The following FN1 variants were observed in gnomAD, a reference collection of about 807,000 sequenced individuals.
FN1 encodes the protein fibronectin.
In FN1, 106 loss-of-function variants were observed where a neutral mutation model predicts 297.3. The ratio of observed to expected loss-of-function variants is 0.36; its 90% CI spans 0.30 to 0.42. The LOEUF is 0.42. Ranked by LOEUF, FN1 falls within the 10% of genes least tolerant of loss-of-function variation. FN1 has a pLI of 1.00. For missense variants in FN1, 2,690 were observed against 3,124.9 expected (o/e 0.86, Z 3.32); for synonymous variants, 1,149 against 1,152.6 (o/e 1.00, Z 0.06).
At chr2:215,365,829 A>G (rs2054448933) in intron 42 of FN1, 199 bp from the exon 43 acceptor site, 2 of 257,538 alleles carry the variant, frequency 7.8e-6, no homozygotes, top group South Asian at 8.4e-5. Flanking sequence ...TTTTTGAGAC[A>G]AAGTCTTTCT....
At chr2:215,397,101 G>GGT (rs1397577415) in intron 23 of FN1, 36 bp downstream of exon 23, 1 of 1,255,656 alleles carries the variant, frequency 8.0e-7, no homozygotes. Flanking sequence ...GGGAAGGTAT[G>GGT]GTGTATACTT....
chr2:215,400,079 T>C (rs1430370674), intron 20 of FN1, among the ~76,000 whole-genome samples: 4 of 152,110 alleles, frequency 2.6e-5, no homozygotes, highest in Non-Finnish European at 5.9e-5. Flanking sequence ...TCCCAGCTTC[T>C]TGGGAGGCTG....
At chr2:215,367,683 G>T in intron 42 of FN1, 180 bp downstream of exon 42, 2 of 672,310 alleles carry the variant, frequency 3.0e-6, no homozygotes, top group East Asian at 2.7e-5. Context: ...TGTCCAACAA[G>T]TAAAATTTCC....
chr2:215,363,531 G>A (rs1309577535), intron 44 of FN1: 1 of 152,236 alleles, frequency 6.6e-6, no homozygotes, highest in Non-Finnish European at 1.5e-5. Flanking sequence ...TGCCCCTGGT[G>A]GAGCCAAGAC....
intron 1 of FN1, 144 bp from the exon 2 acceptor site, chr2:215,434,968 G>A: frequency 1.1e-6 from 1 of 915,368 alleles, no homozygotes; most frequent in Non-Finnish European, 1.7e-6. Flanking sequence ...ATTTCCATCT[G>A]GCCAGGGGTC....
At chr2:215,429,337 G>A (rs1313344682) in intron 5 of FN1, among the ~76,000 whole-genome samples, 1 of 152,124 alleles carries the variant, frequency 6.6e-6, no homozygotes, top group East Asian at 1.9e-4. Flanking sequence ...GTAACTAAAT[G>A]ACCATTAGTC....
At chr2:215,377,314 C>G (rs1425614259) in intron 35 of FN1, among the ~76,000 whole-genome samples, 1 of 152,104 alleles carries the variant, frequency 6.6e-6, no homozygotes, top group Non-Finnish European at 1.5e-5. Flanking sequence ...TGTCCCTGTC[C>G]AAATCTCTGT....
Position 215,433,320 on chromosome 2 carries a change from T to C in FN1, c.415+4A>G. On this transcript the variant is annotated splice_donor_region_variant and intron_variant, in intron 3 of 45. Coordinates refer to ENST00000354785, the MANE Select transcript of FN1 (RefSeq NM_212482.4). ...GGCATCATTTTACACAATCTCTTCC[T>C]TACTTGCGATGGTACAGCTTATTCT... 1 of 1,614,146 alleles carries C rather than the reference T, an allele frequency of 6.2e-7. No individual in the cohort carries two copies. The highest frequency in any genetic ancestry group is 8.5e-7 in the Non-Finnish European group (1 of 1,179,966).
intron 45 of FN1, 77 bp from the exon 46 acceptor site, chr2:215,361,703 G>T: frequency 8.6e-7 from 1 of 1,160,200 alleles, no homozygotes; most frequent in Non-Finnish European, 1.3e-6. Context: ...GCGGGGAGGT[G>T]GGGACTCATG....
intron 44 of FN1, chr2:215,363,225 C>T (rs1218291163): frequency 6.6e-6 from 1 of 152,120 alleles, no homozygotes; most frequent in Non-Finnish European, 1.5e-5. Flanking sequence ...ATAAGTGTCG[C>T]ACATGAAAGG....
At chr2:215,384,346 T>A in intron 29 of FN1, 162 bp from the exon 30 acceptor site, 1 of 667,058 alleles carries the variant, frequency 1.5e-6, no homozygotes, top group South Asian at 1.8e-5. Context: ...TTTATGCATG[T>A]AGCAAACCTT....
At chr2:215,370,914 A>G (rs2055895373) in intron 40 of FN1, among the ~76,000 whole-genome samples, 1 of 152,176 alleles carries the variant, frequency 6.6e-6, no homozygotes, top group Non-Finnish European at 1.5e-5. Flanking sequence ...AATTTCCTAC[A>G]GTGTTGTCAG....
At chr2:215,399,401 T>TA (rs1559467507) in intron 20 of FN1, 50 bp from the exon 21 acceptor site, 2 of 1,179,104 alleles carry the variant, frequency 1.7e-6, no homozygotes, top group Non-Finnish European at 2.6e-6. Flanking sequence ...TCACAGATGA[T>TA]TGCATAGCAT....
chr2:215,361,472 T>G lies in FN1; in HGVS notation c.*83A>C. 1 of 997,148 alleles carries G rather than the reference T, an allele frequency of 1.0e-6. No individual in the cohort carries two copies. Among genetic ancestry groups the G allele is most frequent in the Non-Finnish European group, 1.6e-6 (1 of 616,508 alleles). 61.8% of individuals were successfully genotyped at this position (997,148 alleles called of 1,614,324 possible). On this transcript the variant is annotated 3_prime_UTR_variant, in exon 46 of 46. Transcript: ENST00000354785. The stretch of plus-strand genomic sequence containing the variant: ...GGGCTTAAGAAAGAAAGAAGAACTC[T>G]AAGCTGGGTCTGCTAACATCACTCC...
intron 41 of FN1, among the ~76,000 whole-genome samples, chr2:215,369,892 C>T (rs1335721173): frequency 2.0e-5 from 3 of 152,082 alleles, no homozygotes; most frequent in Non-Finnish European, 4.4e-5. Context: ...TATAGGTAAT[C>T]GTTTCAGTAT....
chr2:215,367,773 G>A, intron 42 of FN1, 90 bp downstream of exon 42: 2 of 1,276,714 alleles, frequency 1.6e-6, no homozygotes, highest in Middle Eastern at 1.9e-4. Context: ...AAGAACCTGT[G>A]TCTTCCAAAC....
intron 40 of FN1, among the ~76,000 whole-genome samples, chr2:215,370,706 A>T (rs1427249798): frequency 6.6e-6 from 1 of 151,972 alleles, no homozygotes; most frequent in Non-Finnish European, 1.5e-5. Flanking sequence ...AATACTAGAG[A>T]CGGCCTGCCA....
chr2:215,373,488 G>C (rs1003964036), intron 38 of FN1, 77 bp from the exon 39 acceptor site: 1 of 1,155,020 alleles, frequency 8.7e-7, no homozygotes, highest in Non-Finnish European at 1.3e-6. Flanking sequence ...ACCAGCAGAC[G>C]CTACTGGGAG....
intron 40 of FN1, 27 bp from the exon 41 acceptor site, chr2:215,370,459 G>A (rs368878899): frequency 1.1e-5 from 17 of 1,587,234 alleles, no homozygotes; most frequent in Non-Finnish European, 1.5e-5. Flanking sequence ...ATCCAAAGCA[G>A]AGAGAAAGCA....
Sources: gnomAD v4.1 joint callset for allele counts (sites outside exome capture counted in the v4.1 genomes callset) on GRCh38, gnomAD v4.1.1 for gene constraint, MANE v1.5 for transcripts, NCBI Gene and HGNC (gene_info 2026-07-23, HGNC 2026-07-21) for gene names.